Variants in SDK2 observed in about 807,000 individuals in gnomAD.
SDK2 encodes the protein protein sidekick-2.
A neutral mutation model predicts 253.9 loss-of-function variants in SDK2; 105 were observed. That is an observed-to-expected ratio of 0.41 (90% confidence interval 0.35 to 0.49). The LOEUF is 0.49. Ranked by LOEUF, SDK2 falls within the 20% of genes least tolerant of loss-of-function variation. The pLI is 0.06. For missense variants in SDK2, 2,608 were observed against 3,003.0 expected (o/e 0.87, Z 3.07); for synonymous variants, 1,249 against 1,234.9 (o/e 1.01, Z -0.24).
intron 10 of SDK2, among the ~76,000 whole-genome samples, chr17:73,432,566 G>C (rs533418374): frequency 1.3e-5 from 2 of 152,094 alleles, no homozygotes; most frequent in Non-Finnish European, 2.9e-5. Flanking sequence ...GGAGACGGCA[G>C]TGGACAAAAC....
chr17:73,606,712 A>G (rs555035288), intron 1 of SDK2, among the ~76,000 whole-genome samples: 49 of 152,222 alleles, frequency 3.2e-4, no homozygotes, highest in Non-Finnish European at 5.1e-4. Flanking sequence ...ATCCATGGAG[A>G]AAAAGCCACT....
intron 3 of SDK2, among the ~76,000 whole-genome samples, chr17:73,466,313 C>G (rs1295907633): frequency 6.6e-6 from 1 of 152,208 alleles, no homozygotes; most frequent in Non-Finnish European, 1.5e-5. Context: ...TGGGGACCCA[C>G]TGCAATGGTT....
chr17:73,542,417 T>A (rs961457668), intron 1 of SDK2, among the ~76,000 whole-genome samples: 1 of 152,170 alleles, frequency 6.6e-6, no homozygotes, highest in Admixed American at 6.5e-5. Flanking sequence ...GGGTGCCTGT[T>A]GGTGGAGGGG....
intron 12 of SDK2, among the ~76,000 whole-genome samples, chr17:73,424,704 C>T (rs1255220901): frequency 1.3e-5 from 2 of 152,308 alleles, no homozygotes; most frequent in South Asian, 2.1e-4. Context: ...GGAGTGCCAG[C>T]CCTGGGGGGC....
intron 2 of SDK2, among the ~76,000 whole-genome samples, chr17:73,473,586 A>G (rs997590802): frequency 2.0e-5 from 3 of 152,206 alleles, no homozygotes; most frequent in Non-Finnish European, 4.4e-5. Flanking sequence ...GTTTGGTTTT[A>G]TTAATACATG....
At chr17:73,393,475 T>C (rs890053788) in intron 27 of SDK2, 85 bp downstream of exon 27, 1 of 1,295,664 alleles carries the variant, frequency 7.7e-7, no homozygotes, top group Admixed American at 2.7e-5. Flanking sequence ...GGGCAGAGCC[T>C]GACCCCAGAA....
intron 18 of SDK2, among the ~76,000 whole-genome samples, chr17:73,410,145 T>G (rs2063114041): frequency 6.6e-6 from 1 of 151,892 alleles, no homozygotes; most frequent in South Asian, 2.1e-4. Flanking sequence ...TGAGCCACGG[T>G]GCCCAGCCTG....
chr17:73,487,516 G>A (rs1351222258), intron 2 of SDK2, among the ~76,000 whole-genome samples: 2 of 152,250 alleles, frequency 1.3e-5, no homozygotes. Flanking sequence ...GAGGTGGAAG[G>A]CGTTCCACAG....
intron 1 of SDK2, among the ~76,000 whole-genome samples, chr17:73,535,038 A>G (rs2044750712): frequency 6.6e-6 from 1 of 152,174 alleles, no homozygotes; most frequent in South Asian, 2.1e-4. Context: ...AATCTGGAGG[A>G]GAAAGAGTGG....
chr17:73,550,988 C>T (rs1365273962), intron 1 of SDK2, among the ~76,000 whole-genome samples: 2 of 152,166 alleles, frequency 1.3e-5, no homozygotes, highest in African/African-American at 4.8e-5. Flanking sequence ...CCTGTCAGTG[C>T]TTCCCACTGG....
chr17:73,462,888 G>T (rs1343370720), intron 3 of SDK2, among the ~76,000 whole-genome samples: 5 of 152,126 alleles, frequency 3.3e-5, no homozygotes, highest in Non-Finnish European at 7.4e-5. Context: ...TCTGCCCAGG[G>T]AGTTCCTTGT....
chr17:73,542,275 T>C (rs2044881060), intron 1 of SDK2, among the ~76,000 whole-genome samples: 1 of 152,160 alleles, frequency 6.6e-6, no homozygotes, highest in African/African-American at 2.4e-5. Flanking sequence ...AAACTGAGGT[T>C]GTGACTTGCC....
chr17:73,419,110 T>G, intron 16 of SDK2, 56 bp downstream of exon 16: 3 of 1,583,074 alleles, frequency 1.9e-6, no homozygotes, highest in Non-Finnish European at 2.6e-6. Flanking sequence ...ACTCCCGATC[T>G]TCCCCCATGC....
intron 36 of SDK2, among the ~76,000 whole-genome samples, chr17:73,376,170 G>A (rs1327888437): frequency 6.6e-6 from 1 of 151,184 alleles, no homozygotes; most frequent in East Asian, 2.0e-4. Flanking sequence ...CTTCAGCCTG[G>A]CGGCAGAGCA....
At chr17:73,576,570 C>T (rs1024878680) in intron 1 of SDK2, among the ~76,000 whole-genome samples, 2 of 152,236 alleles carry the variant, frequency 1.3e-5, no homozygotes, top group Non-Finnish European at 2.9e-5. Flanking sequence ...CAAGGCACAG[C>T]TGGCTAGAAC....
chr17:73,590,218 G>T (rs1053379978), intron 1 of SDK2, among the ~76,000 whole-genome samples: 4 of 152,232 alleles, frequency 2.6e-5, no homozygotes, highest in Admixed American at 6.5e-5. Flanking sequence ...GGATGGAAAG[G>T]TACGGCTGGA....
At chr17:73,633,238 C>G (rs893880782) in intron 1 of SDK2, among the ~76,000 whole-genome samples, 3 of 152,162 alleles carry the variant, frequency 2.0e-5, no homozygotes, top group Admixed American at 2.0e-4. Context: ...TCAGCTCTTA[C>G]TACGCCACCG....
At chr17:73,551,399 C>T (rs138052729) in intron 1 of SDK2, among the ~76,000 whole-genome samples, 4,207 of 152,286 alleles carry the variant, frequency 0.028, 89 homozygotes, top group Non-Finnish European at 0.043. Flanking sequence ...AACATGTTGC[C>T]GGGAGTCACT....
chr17:73,468,235 C>T (rs2063616920), intron 3 of SDK2, among the ~76,000 whole-genome samples: 1 of 152,214 alleles, frequency 6.6e-6, no homozygotes, highest in Non-Finnish European at 1.5e-5. Context: ...TGCTTCTCTA[C>T]TTCCTTAAGG....
Sources: gnomAD v4.1 joint callset for allele counts (sites outside exome capture counted in the v4.1 genomes callset) on GRCh38, gnomAD v4.1.1 for gene constraint, MANE v1.5 for transcripts, NCBI Gene and HGNC (gene_info 2026-07-23, HGNC 2026-07-21) for gene names.